Variants in DNMT3A observed in about 807,000 individuals in gnomAD.
DNMT3A encodes DNA methyltransferase 3 alpha.
A neutral mutation model predicts 117.6 loss-of-function variants in DNMT3A; 267 were observed. That is an observed-to-expected ratio of 2.27 (90% CI 2.05 to 2.51). The LOEUF is 2.51. DNMT3A is among the 30% of genes most tolerant of loss of function. The pLI is 0.00. For synonymous variants in DNMT3A, 432 were observed against 474.8 expected (o/e 0.91, Z 1.17); for missense variants, 1,029 against 1,260.2 (o/e 0.82, Z 2.78).
chr2:25,275,565 G>A, intron 4 of DNMT3A, 22 bp from the exon 5 acceptor site: 1 of 1,559,868 alleles, frequency 6.4e-7, no homozygotes, highest in East Asian at 2.4e-5. Context: ...GAAGAACAAA[G>A]GGACCAGTTC....
chr2:25,233,775 A>AAC lies in DNMT3A; in HGVS notation c.*503_*504insGT. 2 of 173,226 alleles carry AAC rather than the reference A, an allele frequency of 1.2e-5. No homozygotes were observed. Among genetic ancestry groups the AAC allele is most frequent in the Admixed American group, 8.6e-5 (1 of 11,676 alleles). 10.7% of individuals were successfully genotyped at this position (173,226 alleles called of 1,614,324 possible). A position where few individuals can be genotyped will look rare whatever the true frequency, so the allele number is the denominator to read the frequency against. ...AAAAAGATATATAGTAAAAAAAAAA[A>AAC]CCCAAAAAAAAAAAACAAAAAACAA... is the stretch of plus-strand genomic sequence containing the variant. On this transcript the variant is annotated 3_prime_UTR_variant, in exon 23 of 23. Coordinates refer to ENST00000321117, the MANE Select transcript of DNMT3A (RefSeq NM_022552.5).
chr2:25,340,207 G>A (rs1445180507), intron 1 of DNMT3A, among the ~76,000 whole-genome samples: 1 of 152,170 alleles, frequency 6.6e-6, no homozygotes, highest in African/African-American at 2.4e-5. Flanking sequence ...TCAAGGTGCA[G>A]CCGCAGGGGG....
chr2:25,245,403 C>A (rs374571558), intron 12 of DNMT3A, 71 bp from the exon 13 acceptor site: 2 of 1,398,342 alleles, frequency 1.4e-6, no homozygotes, highest in Non-Finnish European at 2.0e-6. Context: ...CGGAGCCCAG[C>A]ACCAGACCAG....
Position 25,237,610 on chromosome 2 carries a change from T to C in DNMT3A, c.2409-605A>G, listed in dbSNP as rs552064392. On this transcript the variant is annotated intron_variant, in intron 20 of 22. Coordinates refer to ENST00000321117, the MANE Select transcript of DNMT3A (RefSeq NM_022552.5). The surrounding 1 kb of genome is among the most constrained non-coding windows in gnomAD (Gnocchi z 5.4). ...TGGTGAAACCCGGTCTCTACTAATATAAAAATTAGCCAGACGTGGTGGCAG... is the reference window on the plus strand; with the variant it reads ...TGGTGAAACCCGGTCTCTACTAATACAAAAATTAGCCAGACGTGGTGGCAG... 6.6e-6 allele frequency among the ~76,000 whole-genome samples: 1 copy of C among 151,922 alleles called. No individual in the cohort carries two copies. Among genetic ancestry groups the C allele is most frequent in the East Asian group, 1.9e-4 (1 of 5,162 alleles).
At chr2:25,321,653 C>A (rs906963177) in intron 1 of DNMT3A, among the ~76,000 whole-genome samples, 2 of 152,238 alleles carry the variant, frequency 1.3e-5, no homozygotes, top group Non-Finnish European at 2.9e-5. Context: ...GTAATCCCAG[C>A]ACTCTGAGAG....
chr2:25,275,994 C>T (rs575083408), intron 4 of DNMT3A, among the ~76,000 whole-genome samples: 1 of 152,142 alleles, frequency 6.6e-6, no homozygotes, highest in East Asian at 1.9e-4. Flanking sequence ...AGCGGCCTCC[C>T]TGGCCCTGCA....
chr2:25,289,165 C>T (rs1043033218), intron 3 of DNMT3A, among the ~76,000 whole-genome samples: 3 of 151,168 alleles, frequency 2.0e-5, no homozygotes, highest in African/African-American at 7.3e-5. Flanking sequence ...TGCAGTGGCG[C>T]GATCTCGGCT....
At chr2:25,276,641 G>A (rs1389634866) in intron 4 of DNMT3A, among the ~76,000 whole-genome samples, 1 of 152,204 alleles carries the variant, frequency 6.6e-6, no homozygotes, top group East Asian at 1.9e-4. Flanking sequence ...CCAGCGCCCC[G>A]GAGGCTGCGG....
At chr2:25,320,047 G>A (rs1476229191) in intron 1 of DNMT3A, among the ~76,000 whole-genome samples, 1 of 152,242 alleles carries the variant, frequency 6.6e-6, no homozygotes, top group African/African-American at 2.4e-5. Context: ...TGGGATTAGA[G>A]GCGTGAGCCA....
In DNMT3A at chr2:25,246,253, C is replaced by T. The variant is rs775424412; in HGVS notation, c.1336G>A (p.Ala446Thr). The T allele has an allele frequency of 6.2e-7, 1 of 1,614,120 alleles. No homozygotes were observed. The highest frequency in any genetic ancestry group is 1.7e-5 in the Admixed American group (1 of 60,024). The change falls in exon 11 of 23, where the codon GCT (alanine) becomes ACT (threonine). Residue 446 changes from alanine (A) to threonine (T), a missense_variant. Ala to Thr is a moderately conservative substitution (Grantham distance 58, BLOSUM62 0). Transcript: ENST00000321117. ...YTDMWVEPEAAAYAPPPPAKK... is the reference protein window; with the variant it reads ...YTDMWVEPEATAYAPPPPAKK... ...GCTGGTGGAGGTGGTGCGTAGGCAG[C>T]TGCCTCAGGTTCCACCCACATGTCC...
In DNMT3A at chr2:25,240,321, T is replaced by C. The variant is rs1181120114; in HGVS notation, c.2303A>G (p.Asp768Gly). 1 of 1,614,206 alleles carries C rather than the reference T, an allele frequency of 6.2e-7. No individual in the cohort carries two copies. The highest frequency in any genetic ancestry group is 8.5e-7 in the Non-Finnish European group (1 of 1,180,044). Residue 768 changes from aspartate (D) to glycine (G), a missense_variant, in exon 19 of 23, where the codon GAC becomes GGC. Physicochemically the swap from Asp to Gly is moderately conservative, Grantham distance 94. Coordinates refer to ENST00000321117, the MANE Select transcript of DNMT3A (RefSeq NM_022552.5). ...VVAMGVSDKR[D>G]ISRFLESNPV... ...CTATACCTCGAGAAATCGCGAGATG[T>C]CCCTCTTGTCACTAACGCCCATGGC...
rs1176527784 is a variant in DNMT3A at position 25,300,711 on chromosome 2, TAATATA to T, written c.73-474_73-469del. On this transcript the variant is annotated intron_variant, in intron 2 of 22. Coordinates refer to ENST00000321117, the MANE Select transcript of DNMT3A (RefSeq NM_022552.5). ...TATATATTTATATATCTAAATAATATAATATATATATATATATATATATATATATAT... is the reference window on the plus strand; with the variant it reads ...TATATATTTATATATCTAAATAATATTATATATATATATATATATATATAT... Among the ~76,000 whole-genome samples the T allele has an allele frequency of 1.2e-3, 52 of 42,042 alleles. 5 individuals are homozygous for T. Among genetic ancestry groups the T allele is most frequent in the East Asian group, 2.0e-3 (2 of 980 alleles). The allele number at this position is 42,042 out of a possible 152,430, so 27.6% of individuals were successfully genotyped here.
At chr2:25,280,342 C>G (rs2031796304) in intron 4 of DNMT3A, among the ~76,000 whole-genome samples, 1 of 137,104 alleles carries the variant, frequency 7.3e-6, no homozygotes. Flanking sequence ...CCCACCCCGG[C>G]AGCCACCTTT....
chr2:25,324,100 G>A (rs1268372435), intron 1 of DNMT3A, among the ~76,000 whole-genome samples: 1 of 152,226 alleles, frequency 6.6e-6, no homozygotes, highest in East Asian at 1.9e-4. Flanking sequence ...AGGCTTGTCT[G>A]CAGTGGGAGC....
intron 16 of DNMT3A, 137 bp downstream of exon 16, chr2:25,243,761 C>T (rs2149286237): frequency 2.0e-6 from 2 of 1,021,552 alleles, no homozygotes; most frequent in East Asian, 2.6e-5. Flanking sequence ...CCACTTCACA[C>T]ACAAGCTTCC....
intron 9 of DNMT3A, 91 bp downstream of exon 9, chr2:25,246,960 C>A: frequency 1.3e-6 from 2 of 1,499,258 alleles, no homozygotes; most frequent in Non-Finnish European, 1.8e-6. Flanking sequence ...CCTCCTGGGC[C>A]TCCGTTCTGC....
intron 7 of DNMT3A, 27 bp downstream of exon 7, chr2:25,248,010 G>T (rs1275190718): frequency 6.2e-7 from 1 of 1,611,562 alleles, no homozygotes; most frequent in East Asian, 2.2e-5. Context: ...GAAAGAGCTG[G>T]CCACGGCTGG....
chr2:25,309,000 C>CAT (rs57618482), intron 2 of DNMT3A, among the ~76,000 whole-genome samples: 1 of 151,244 alleles, frequency 6.6e-6, no homozygotes, highest in African/African-American at 2.4e-5. Flanking sequence ...CACACACACA[C>CAT]GCACGCACAT....
intron 1 of DNMT3A, among the ~76,000 whole-genome samples, chr2:25,314,986 C>A (rs2034310202): frequency 6.6e-6 from 1 of 152,186 alleles, no homozygotes; most frequent in Non-Finnish European, 1.5e-5. Flanking sequence ...TGTCTCAGCC[C>A]CCTCACTCAG....
Sources: gnomAD v4.1 joint callset for allele counts (sites outside exome capture counted in the v4.1 genomes callset) on GRCh38, gnomAD v4.1.1 for gene constraint, Gnocchi (gnomAD v3.1) non-coding constraint, MANE v1.5 for transcripts, NCBI Gene and HGNC (gene_info 2026-07-23, HGNC 2026-07-21) for gene names.